Variants in NEDD4L observed in about 807,000 individuals in gnomAD.
The protein encoded by NEDD4L is E3 ubiquitin-protein ligase NEDD4-like.
A neutral mutation model predicts 148.9 loss-of-function variants in NEDD4L; 54 were observed. The observed-to-expected ratio is 0.36, with a 90% CI of 0.29 to 0.45. NEDD4L has a LOEUF of 0.45. Ranked by LOEUF, NEDD4L falls within the 20% of genes least tolerant of loss-of-function variation. The pLI is 1.00. For missense variants in NEDD4L, 856 were observed against 1,233.8 expected, an observed-to-expected ratio of 0.69 and a Z score of 4.59; for synonymous variants, 433 against 440.7, an observed-to-expected ratio of 0.98 and a Z score of 0.22.
chr18:58,169,515 A>G (rs550681595), intron 2 of NEDD4L, among the ~76,000 whole-genome samples: 9 of 150,896 alleles, frequency 6.0e-5, no homozygotes, highest in Non-Finnish European at 1.3e-4. Flanking sequence ...TGGGGAAAAA[A>G]AAATGGAATG....
intron 6 of NEDD4L, 120 bp downstream of exon 6, chr18:58,316,152 C>T (rs975489526): frequency 2.4e-5 from 20 of 821,794 alleles, no homozygotes; most frequent in East Asian, 7.3e-5. Flanking sequence ...AAATGAAGCA[C>T]GTGTGCTGTG....
rs547619491 is a variant in NEDD4L, at chr18:58,073,227, T to C, written c.48+28519T>C. 4.6e-5 allele frequency among the ~76,000 whole-genome samples: 7 copies of C among 152,180 alleles called. No individual in the cohort carries two copies. In the South Asian group the frequency reaches 8.3e-4, roughly 18 times the overall value. On this transcript the variant is annotated intron_variant, in intron 1 of 30. Coordinates refer to ENST00000400345, the MANE Select transcript of NEDD4L (RefSeq NM_001144967.3). ...CAAAATCCCAGCTGGCTTTTTTTTTTCTCAGAAATTAACAAGTTTATTTTA... is the reference window on the plus strand; with the variant it reads ...CAAAATCCCAGCTGGCTTTTTTTTTCCTCAGAAATTAACAAGTTTATTTTA...
chr18:58,068,202 T>G (rs1219532175), intron 1 of NEDD4L, among the ~76,000 whole-genome samples: 8 of 122,746 alleles, frequency 6.5e-5, no homozygotes, highest in African/African-American at 2.2e-4. Flanking sequence ...TTTTTTTTTT[T>G]TTTTTGTTTT....
intron 1 of NEDD4L, among the ~76,000 whole-genome samples, chr18:58,121,479 T>C (rs1379749499): frequency 1.3e-5 from 2 of 152,006 alleles, no homozygotes; most frequent in Non-Finnish European, 2.9e-5. Flanking sequence ...GGAGCAGTGG[T>C]GTGGCCCTGG....
chr18:58,124,287 G>A (rs1043204522), intron 1 of NEDD4L, among the ~76,000 whole-genome samples: 5 of 152,200 alleles, frequency 3.3e-5, no homozygotes, highest in African/African-American at 9.7e-5. Flanking sequence ...GGTCAGACTC[G>A]TGCATGGCCT....
At position 58,387,840 on chromosome 18, in the gene NEDD4L, C is replaced by CA. The variant is rs2146881856; in HGVS notation, c.2547+344dup. On this transcript the variant is annotated intron_variant, in intron 27 of 30. Coordinates refer to ENST00000400345, the MANE Select transcript of NEDD4L (RefSeq NM_001144967.3). ...CACCAGGCGAGGCAAATTGCCACAA[C>CA]AAGTAGAAACAAGGTTTGCAGTAGC... 3 of 181,908 alleles carry CA rather than the reference C, an allele frequency of 1.6e-5. No individual in the cohort carries two copies. The South Asian group carries it at 4.2e-4, about 25-fold the overall frequency. 11.3% of individuals were successfully genotyped at this position (181,908 alleles called of 1,614,324 possible). A position where few individuals can be genotyped will look rare whatever the true frequency, so the allele number is the denominator to read the frequency against.
chr18:58,203,009 C>T (rs1000355168), intron 2 of NEDD4L, among the ~76,000 whole-genome samples: 3 of 152,038 alleles, frequency 2.0e-5, no homozygotes, highest in African/African-American at 7.2e-5. Context: ...ACTTCGTCAC[C>T]CAGGCTGAAG....
At chr18:58,111,355 A>G (rs1354890272) in intron 1 of NEDD4L, among the ~76,000 whole-genome samples, 1 of 152,108 alleles carries the variant, frequency 6.6e-6, no homozygotes, top group African/African-American at 2.4e-5. Flanking sequence ...GGTGTGAGCC[A>G]CTGTGCCTGG....
chr18:58,286,063 G>A (rs1022718588), intron 5 of NEDD4L, among the ~76,000 whole-genome samples: 26 of 152,264 alleles, frequency 1.7e-4, no homozygotes, highest in Middle Eastern at 3.4e-3. Context: ...GTAGATGCAC[G>A]TTCTTACCCA....
At chr18:58,137,349 C>G (rs139285294) in intron 1 of NEDD4L, among the ~76,000 whole-genome samples, 1 of 152,196 alleles carries the variant, frequency 6.6e-6, no homozygotes, top group Non-Finnish European at 1.5e-5. Context: ...GGGCACCACT[C>G]GTAAGTCCAG....
chr18:58,356,773 A>C (rs2044723255), intron 18 of NEDD4L, among the ~76,000 whole-genome samples: 1 of 152,248 alleles, frequency 6.6e-6, no homozygotes. Context: ...TAAAGAGAAA[A>C]GTATTTGAAA....
At chr18:58,280,105 A>G (rs1033929658) in intron 5 of NEDD4L, among the ~76,000 whole-genome samples, 12 of 152,084 alleles carry the variant, frequency 7.9e-5, no homozygotes, top group African/African-American at 2.9e-4. Flanking sequence ...ATGGGGTCTC[A>G]CTGTGTTTCC....
At chr18:58,149,005 T>C (rs1351278027) in intron 1 of NEDD4L, among the ~76,000 whole-genome samples, 1 of 152,226 alleles carries the variant, frequency 6.6e-6, no homozygotes, top group African/African-American at 2.4e-5. Context: ...ATTTTTGTCT[T>C]GGTTGAAACA....
intron 1 of NEDD4L, among the ~76,000 whole-genome samples, chr18:58,096,386 AT>A (rs1341985007): frequency 0.029 from 3,961 of 138,530 alleles, 293 homozygotes; most frequent in African/African-American, 0.1. Context: ...ATTTTATTTT[AT>A]TTTATTTTAT....
rs200221331 is a variant in NEDD4L at position 58,342,931 on chromosome 18, G to A, written c.1403G>A (p.Arg468Gln). 357 of 1,610,960 alleles carry A rather than the reference G, an allele frequency of 2.2e-4. 1 individual carries two copies. Among genetic ancestry groups the A allele is most frequent in the Non-Finnish European group, 2.0e-4 (239 of 1,178,638 alleles). The change falls in exon 16 of 31, where the codon CGG becomes CAG. Residue 468 changes from arginine (R) to glutamine (Q), a missense_variant. Transcript: ENST00000400345. ...LEGAKDSPVR[R>Q]AVKDTLSNPQ... ...GGTGCCAAGGACTCACCCGTACGTC[G>A]GGCTGTGAAAGACACCCTTTCCAAC...
intron 16 of NEDD4L, among the ~76,000 whole-genome samples, chr18:58,349,119 C>T (rs78403234): frequency 0.016 from 2,364 of 152,162 alleles, 57 homozygotes; most frequent in African/African-American, 0.051. Context: ...TATTCCCTAA[C>T]GTGTTAGGCT....
intron 2 of NEDD4L, among the ~76,000 whole-genome samples, chr18:58,183,326 A>G (rs1199540288): frequency 6.6e-6 from 1 of 152,212 alleles, no homozygotes; most frequent in Non-Finnish European, 1.5e-5. Flanking sequence ...TGGCTTCTTC[A>G]ACTTGGTGCT....
chr18:58,077,158 G>T (rs1462207836), intron 1 of NEDD4L, among the ~76,000 whole-genome samples: 1 of 125,350 alleles, frequency 8.0e-6, no homozygotes, highest in Non-Finnish European at 1.6e-5. Context: ...GCCTCATAAC[G>T]GCTTTTTTTT....
intron 1 of NEDD4L, among the ~76,000 whole-genome samples, chr18:58,085,318 T>G (rs2145193300): frequency 6.6e-6 from 1 of 151,918 alleles, no homozygotes; most frequent in South Asian, 2.1e-4. Context: ...TGGGATGGGG[T>G]CAGTGTGGAG....
Sources: gnomAD v4.1 joint callset for allele counts (sites outside exome capture counted in the v4.1 genomes callset) on GRCh38, gnomAD v4.1.1 for gene constraint, MANE v1.5 for transcripts, NCBI Gene and HGNC (gene_info 2026-07-23, HGNC 2026-07-21) for gene names.